Variants in TRIM67 observed in about 807,000 individuals in gnomAD.
The protein encoded by TRIM67 is tripartite motif containing 67.
In TRIM67, 39 loss-of-function variants were observed where a neutral mutation model predicts 71.0. The observed-to-expected ratio is 0.55, with a 90% CI of 0.43 to 0.72. TRIM67 has a LOEUF of 0.72. Ranked by LOEUF, TRIM67 falls within the 30% of genes least tolerant of loss-of-function variation. The pLI, the probability that TRIM67 is intolerant of heterozygous loss-of-function variation, is 0.00. For synonymous variants in TRIM67, 481 were observed against 473.9 expected, an observed-to-expected ratio of 1.01 and a Z score of -0.19; for missense variants, 973 against 1,079.2, an observed-to-expected ratio of 0.90 and a Z score of 1.38.
intron 5 of TRIM67, among the ~76,000 whole-genome samples, chr1:231,202,085 G>A (rs1177450499): frequency 2.3e-3 from 3 of 1,296 alleles, no homozygotes; most frequent in Admixed American, 6.6e-3. Context: ...AGGAGGTGGT[G>A]GCTAAGATAA....
rs778321624 is a variant in TRIM67, at chr1:231,201,438, G to A, written c.1455G>A (p.Ala485=). 25 of 1,613,740 alleles carry A rather than the reference G, an allele frequency of 1.5e-5. No individual in the cohort carries two copies. Among genetic ancestry groups the A allele is most frequent in the South Asian group, 2.2e-5 (2 of 90,984 alleles). Residue 485 remains alanine, a synonymous_variant, in exon 5 of 10, where the codon GCG becomes GCA. Transcript: ENST00000366653. ...GCGCCCTGGAGCCGAAAGTGTCTGC[G>A]GAGTTTGATCTGACTTTGGACAGCG... ...VKGALEPKVS[A]EFDLTLDSEP...
At position 231,185,947 on chromosome 1, in the gene TRIM67, G is replaced by A. The variant is rs543178929; in HGVS notation, c.1045-11424G>A. The A allele has an allele frequency of 7.4e-5, 53 of 720,852 alleles. 1 individual carries two copies. The highest frequency in any genetic ancestry group is 6.0e-4 in the East Asian group (22 of 36,878). 44.7% of individuals were successfully genotyped at this position (720,852 alleles called of 1,614,324 possible). On this transcript the variant is annotated intron_variant, in intron 1 of 9. Coordinates refer to ENST00000366653, the MANE Select transcript of TRIM67 (RefSeq NM_001004342.5). ...CTGGAGATGAGTGTGATAAACGGCC[G>A]TGACAGCCGGGACAAGGGCTCATAA...
At position 231,167,319 on chromosome 1, in the gene TRIM67, C is replaced by CTTTTTTTTTT. The variant is rs1159766852; in HGVS notation, c.1044+3318_1044+3327dup. ...ACAGGACTTTTGATCACTCTAATGT[C>CTTTTTTTTTT]TTTTTTTTTTTTTTTTTTTTTGAGA... On this transcript the variant is annotated intron_variant, in intron 1 of 9. Transcript: ENST00000366653. Among the ~76,000 whole-genome samples the CTTTTTTTTTT allele has an allele frequency of 5.0e-4, 26 of 51,842 alleles. 3 individuals are homozygous for CTTTTTTTTTT. The highest frequency in any genetic ancestry group is 0.011 in the Middle Eastern group (1 of 92). 34.0% of individuals were successfully genotyped at this position (51,842 alleles called of 152,430 possible).
At position 231,213,686 on chromosome 1, in the gene TRIM67, G is replaced by A; in HGVS notation, c.2124-129G>A. 2 of 1,129,814 alleles carry A rather than the reference G, an allele frequency of 1.8e-6. 1 individual carries two copies. The highest frequency in any genetic ancestry group is 5.2e-5 in the East Asian group (2 of 38,486). The allele number at this position is 1,129,814 out of a possible 1,614,324, so 70.0% of individuals were successfully genotyped here. On this transcript the variant is annotated intron_variant, in intron 8 of 9. Transcript: ENST00000366653. ...GGCGAGGCTGTTGTGCACCGAGATG[G>A]CGTCACTGCACTCCAGCCTGGGTGA...
chr1:231,217,661 T>G lies in TRIM67; in HGVS notation c.*2221T>G. On this transcript the variant is annotated 3_prime_UTR_variant, in exon 10 of 10. Transcript: ENST00000366653. ...GGCAGGGCTGCCTGGTGACAGCAGC[T>G]TCTCACAGGGGAGCCCTGGGGAAGG... 3.4e-6 allele frequency: 4 copies of G among 1,162,680 alleles called. No individual in the cohort carries two copies. In the South Asian group the frequency reaches 6.9e-5, roughly 20 times the overall value. The allele number at this position is 1,162,680 out of a possible 1,614,324, so 72.0% of individuals were successfully genotyped here. A position where few individuals can be genotyped will look rare whatever the true frequency, so the allele number is the denominator to read the frequency against.
At chr1:231,200,886 T>G (rs548377432) in intron 4 of TRIM67, among the ~76,000 whole-genome samples, 1 of 152,266 alleles carries the variant, frequency 6.6e-6, no homozygotes, top group East Asian at 1.9e-4. Context: ...CAGTCAAGTT[T>G]GGAGCAGAAG....
In TRIM67 at chr1:231,215,669, C is replaced by T. The variant is rs1014133210; in HGVS notation, c.*229C>T. The stretch of plus-strand genomic sequence containing the variant: ...TGGCAAAGGAAGGTACGTGTGTCAC[C>T]CTTATTCCACCCAGACATTACGAAC... On this transcript the variant is annotated 3_prime_UTR_variant, in exon 10 of 10. Transcript: ENST00000366653. 100 of 1,289,324 alleles carry T rather than the reference C, an allele frequency of 7.8e-5. No homozygotes were observed. The highest frequency in any genetic ancestry group is 9.3e-5 in the Non-Finnish European group (95 of 1,017,738). 79.9% of individuals were successfully genotyped at this position (1,289,324 alleles called of 1,614,324 possible). A position where few individuals can be genotyped will look rare whatever the true frequency, so the allele number is the denominator to read the frequency against.
chr1:231,167,524 G>A lies in TRIM67; in HGVS notation c.1044+3511G>A, dbSNP rs1328626498. On this transcript the variant is annotated intron_variant, in intron 1 of 9. Coordinates refer to ENST00000366653, the MANE Select transcript of TRIM67 (RefSeq NM_001004342.5). ...TTTTTAGTAGAGACGGGGTTTCACC[G>A]TTTTAGCCGGGATGGTCTCGATCTC... is the stretch of plus-strand genomic sequence containing the variant. Among the ~76,000 whole-genome samples the A allele has an allele frequency of 5.3e-5, 6 of 113,268 alleles. 1 individual carries two copies. Among genetic ancestry groups the A allele is most frequent in the Non-Finnish European group, 8.3e-5 (5 of 60,466 alleles). 74.3% of individuals were successfully genotyped at this position (113,268 alleles called of 152,430 possible).
intron 6 of TRIM67, among the ~76,000 whole-genome samples, chr1:231,204,519 G>A (rs1362785345): frequency 6.6e-6 from 1 of 152,128 alleles, no homozygotes; most frequent in East Asian, 1.9e-4. Flanking sequence ...TATCATGGGG[G>A]CAATAAAGGT....
intron 1 of TRIM67, among the ~76,000 whole-genome samples, chr1:231,196,660 C>CA (rs1254646561): frequency 6.6e-6 from 1 of 152,158 alleles, no homozygotes; most frequent in South Asian, 2.1e-4. Context: ...TGGTTCGTTA[C>CA]AAAAAAGCCT....
At chr1:231,204,051 C>T in intron 6 of TRIM67, 39 bp downstream of exon 6, 2 of 1,609,966 alleles carry the variant, frequency 1.2e-6, no homozygotes, top group Non-Finnish European at 1.7e-6. Context: ...ATTGAGGGTA[C>T]CAATGCAGAG....
chr1:231,201,534 C>A lies in TRIM67; in HGVS notation c.1534+17C>A. 6.2e-7 allele frequency: 1 copy of A among 1,611,116 alleles called. No individual in the cohort carries two copies. The highest frequency in any genetic ancestry group is 8.5e-7 in the Non-Finnish European group (1 of 1,178,626). ...AATGTAGGGGTGAGCCGCGGTTGGC[C>A]CCAGTTCAGTCAGTGCTTCTTTCAA... On this transcript the variant is annotated intron_variant, in intron 5 of 9. Transcript: ENST00000366653.
In TRIM67 at chr1:231,201,254, GTCT is replaced by G. The variant is rs1213782618; in HGVS notation, c.1375-103_1375-101del. ...TGGCTCTAGAGCACAACCCTTTTCT[GTCT>G]CTGAGTCCCATAGAGACAAAGTCCC... On this transcript the variant is annotated intron_variant, in intron 4 of 9. Transcript: ENST00000366653. 4 of 1,273,446 alleles carry G rather than the reference GTCT, an allele frequency of 3.1e-6. No homozygotes were observed. The African/African-American group carries it at 4.5e-5, about 14-fold the overall frequency. 78.9% of individuals were successfully genotyped at this position (1,273,446 alleles called of 1,614,324 possible).
chr1:231,164,470 T>C (rs1266922519), intron 1 of TRIM67, among the ~76,000 whole-genome samples: 2 of 152,192 alleles, frequency 1.3e-5, no homozygotes, highest in Non-Finnish European at 2.9e-5. Context: ...GCCATCAAAA[T>C]CTGGTTAGGT....
rs372035563 is a variant in TRIM67, at chr1:231,163,224, T to C, written c.255T>C (p.Ala85=). The stretch of plus-strand genomic sequence containing the variant: ...GCGGCGGTGCAGGCGGGAGTGCAGC[T>C]GGCGGCCTCGGCGGCGGTGCGGGAG... ...PACGGAGGSA[A]GGLGGGAGGG... Residue 85 remains alanine (A), a synonymous_variant, in exon 1 of 10, where the codon GCT becomes GCC. Transcript: ENST00000366653. 4.4e-4 allele frequency: 657 copies of C among 1,494,266 alleles called. 4 individuals are homozygous for C. In the African/African-American group the frequency reaches 8.5e-3, roughly 19 times the overall value. 92.6% of individuals were successfully genotyped at this position (1,494,266 alleles called of 1,614,324 possible). A position where few individuals can be genotyped will look rare whatever the true frequency, so the allele number is the denominator to read the frequency against.
At chr1:231,172,348 G>A (rs1682638963) in intron 1 of TRIM67, among the ~76,000 whole-genome samples, 1 of 152,198 alleles carries the variant, frequency 6.6e-6, no homozygotes, top group African/African-American at 2.4e-5. Flanking sequence ...GGGAATCGAA[G>A]GTGGGGACGG....
chr1:231,202,332 A>G (rs1259397002), intron 5 of TRIM67, among the ~76,000 whole-genome samples: 1 of 104,546 alleles, frequency 9.6e-6, no homozygotes, highest in African/African-American at 5.7e-5. Flanking sequence ...GAAGAGAAGG[A>G]GGGAGAAGAA....
intron 1 of TRIM67, among the ~76,000 whole-genome samples, chr1:231,193,663 A>T (rs1683295126): frequency 6.6e-6 from 1 of 152,084 alleles, no homozygotes; most frequent in Non-Finnish European, 1.5e-5. Flanking sequence ...GGGGCTCATG[A>T]TTCTGCAGGC....
At chr1:231,187,588 C>T in intron 1 of TRIM67, 1 of 1,527,644 alleles carries the variant, frequency 6.5e-7, no homozygotes, top group Non-Finnish European at 8.7e-7. Context: ...CCTTTGTGCC[C>T]AATGATGGTG....
Sources: gnomAD v4.1 joint callset for allele counts (sites outside exome capture counted in the v4.1 genomes callset) on GRCh38, gnomAD v4.1.1 for gene constraint, MANE v1.5 for transcripts, NCBI Gene and HGNC (gene_info 2026-07-23, HGNC 2026-07-21) for gene names.